Variants in ARHGAP44 observed in about 807,000 individuals in gnomAD.
ARHGAP44 encodes the protein rho GTPase-activating protein 44.
In ARHGAP44, 43 loss-of-function variants were observed where a neutral mutation model predicts 106.8. The ratio of observed to expected loss-of-function variants is 0.40; its 90% confidence interval spans 0.32 to 0.52. The LOEUF is 0.52. Ranked by LOEUF, ARHGAP44 falls within the 20% of genes least tolerant of loss-of-function variation. ARHGAP44 has a pLI of 0.48. For synonymous variants in ARHGAP44, 439 were observed against 410.3 expected, an observed-to-expected ratio of 1.07 and a Z score of -0.85; for missense variants, 866 against 1,050.5, an observed-to-expected ratio of 0.82 and a Z score of 2.43.
chr17:12,899,789 GCTTGAGCACATGTAAGTTGCTA>G (rs1431466473), intron 3 of ARHGAP44, among the ~76,000 whole-genome samples: 38 of 152,136 alleles, frequency 2.5e-4, no homozygotes, highest in Admixed American at 1.8e-3. Flanking sequence ...GTAAGTTGCT[GCTTGAGCACATGTAAGTTGCTA>G]CTTGAGCACA....
intron 6 of ARHGAP44, among the ~76,000 whole-genome samples, chr17:12,925,431 G>A (rs1011330553): frequency 5.9e-5 from 9 of 152,180 alleles, no homozygotes; most frequent in African/African-American, 2.2e-4. Flanking sequence ...AGAGGAAGGG[G>A]CAAGACTAGA....
chr17:12,850,726 T>C (rs1220179203), intron 1 of ARHGAP44, among the ~76,000 whole-genome samples: 3 of 152,196 alleles, frequency 2.0e-5, no homozygotes. Context: ...CCACATAGAC[T>C]GCCAAGACTC....
chr17:12,987,085 CATT>C lies in ARHGAP44; in HGVS notation c.2317+2178_2317+2180del, dbSNP rs568871538. On this transcript the variant is annotated intron_variant, in intron 20 of 20. Transcript: ENST00000379672. ...GTTGATTCCTTTCTCCGAATCCTAT[CATT>C]GTGTTCTTGCAGCTGTGTGACATGA... 6.4e-5 allele frequency: 96 copies of C among 1,503,562 alleles called. No individual in the cohort carries two copies. In the South Asian group the frequency reaches 1.0e-3, roughly 16 times the overall value. 93.1% of individuals were successfully genotyped at this position (1,503,562 alleles called of 1,614,324 possible). A position where few individuals can be genotyped will look rare whatever the true frequency, so the allele number is the denominator to read the frequency against.
Position 12,974,318 on chromosome 17 carries a change from C to T in ARHGAP44, c.1763+8C>T, listed in dbSNP as rs1180969820. The T allele has an allele frequency of 7.2e-7, 1 of 1,396,972 alleles. No individual in the cohort carries two copies. The highest frequency in any genetic ancestry group is 9.2e-7 in the Non-Finnish European group (1 of 1,082,356). 86.5% of individuals were successfully genotyped at this position (1,396,972 alleles called of 1,614,324 possible). ...TGGGCCCGAGCGCACCAGGTAAGCG[C>T]GGGCCACTGCCGTCCGGGCGGGCTG... On this transcript the variant is annotated splice_region_variant and intron_variant, in intron 18 of 20. Transcript: ENST00000379672.
chr17:12,920,842 A>G (rs545752875), intron 6 of ARHGAP44, among the ~76,000 whole-genome samples: 1 of 152,264 alleles, frequency 6.6e-6, no homozygotes, highest in African/African-American at 2.4e-5. Context: ...TCCAGAGTCC[A>G]CCAGAAAATT....
At chr17:12,877,491 A>G (rs2036592088) in intron 1 of ARHGAP44, among the ~76,000 whole-genome samples, 1 of 152,236 alleles carries the variant, frequency 6.6e-6, no homozygotes, top group African/African-American at 2.4e-5. Flanking sequence ...TAATTAAAAG[A>G]TATTTAGGAA....
chr17:12,943,713 G>T (rs775962025), intron 9 of ARHGAP44, 44 bp downstream of exon 9: 1 of 1,586,878 alleles, frequency 6.3e-7, no homozygotes, highest in Non-Finnish European at 8.6e-7. Context: ...CGGGGTGCCT[G>T]CTTGCCTTCC....
rs190886922 is a variant in ARHGAP44, at chr17:12,797,583, A to G, written c.53+7692A>G. Among the ~76,000 whole-genome samples, 135 of 152,272 alleles carry G rather than the reference A, an allele frequency of 8.9e-4. 1 individual carries two copies. Among genetic ancestry groups the G allele is most frequent in the Middle Eastern group, 3.4e-3 (1 of 294 alleles). On this transcript the variant is annotated intron_variant, in intron 1 of 20. Coordinates refer to ENST00000379672, the MANE Select transcript of ARHGAP44 (RefSeq NM_014859.6). The stretch of plus-strand genomic sequence containing the variant: ...ATTGGGTGGGAGTGGAGTCAGGCTG[A>G]ACTTCTCAGCTCAGCTTCAACCCGG...
chr17:12,794,471 T>G (rs1328453405), intron 1 of ARHGAP44, among the ~76,000 whole-genome samples: 1 of 152,116 alleles, frequency 6.6e-6, no homozygotes, highest in Non-Finnish European at 1.5e-5. Flanking sequence ...TAGAAAAGGA[T>G]TCTTAGAAAC....
Position 12,974,119 on chromosome 17 carries a change from G to T in ARHGAP44, c.1572G>T (p.Trp524Cys). Residue 524 changes from tryptophan to cysteine, a missense_variant, in exon 18 of 21, where the codon TGG becomes TGT. Trp to Cys is a radical substitution (Grantham distance 215). Coordinates refer to ENST00000379672, the MANE Select transcript of ARHGAP44 (RefSeq NM_014859.6). ...GTGTGAGGGTCATGGACACAAACTG[G>T]GTGGCTCGAAGAGGCTCCTCGGCCG... ...SMGVRVMDTN[W>C]VARRGSSAGR... 1 of 1,571,632 alleles carries T rather than the reference G, an allele frequency of 6.4e-7. No individual in the cohort carries two copies. Among genetic ancestry groups the T allele is most frequent in the African/African-American group, 1.3e-5 (1 of 74,194 alleles).
At chr17:12,800,318 G>T (rs1463973869) in intron 1 of ARHGAP44, among the ~76,000 whole-genome samples, 1 of 152,178 alleles carries the variant, frequency 6.6e-6, no homozygotes, top group Non-Finnish European at 1.5e-5. Context: ...AATTGTAATG[G>T]CTTCACTCAT....
chr17:12,869,553 A>G (rs988939729), intron 1 of ARHGAP44, among the ~76,000 whole-genome samples: 1 of 152,036 alleles, frequency 6.6e-6, no homozygotes, highest in Non-Finnish European at 1.5e-5. Context: ...TTGTGCAGCC[A>G]TTGCCACCGC....
At chr17:12,833,030 T>G (rs62060432) in intron 1 of ARHGAP44, among the ~76,000 whole-genome samples, 218 of 152,352 alleles carry the variant, frequency 1.4e-3, no homozygotes, top group Non-Finnish European at 2.7e-3. Context: ...CTGGGCACAG[T>G]ACTATTTGAG....
intron 3 of ARHGAP44, among the ~76,000 whole-genome samples, chr17:12,907,718 T>C (rs965726043): frequency 2.6e-5 from 4 of 152,264 alleles, no homozygotes; most frequent in African/African-American, 7.2e-5. Context: ...CATTTATTCA[T>C]TGGTGGACAT....
At chr17:12,926,464 A>AT (rs2038241563) in intron 6 of ARHGAP44, among the ~76,000 whole-genome samples, 1 of 108,190 alleles carries the variant, frequency 9.2e-6, no homozygotes, top group South Asian at 3.2e-4. Flanking sequence ...ATATACATAT[A>AT]TAATATATAT....
chr17:12,789,708 G>A lies in ARHGAP44; in HGVS notation c.-131G>A, dbSNP rs751212827. 3 of 758,766 alleles carry A rather than the reference G, an allele frequency of 4.0e-6. No individual in the cohort carries two copies. In the South Asian group the frequency reaches 1.2e-4, roughly 30 times the overall value. 47.0% of individuals were successfully genotyped at this position (758,766 alleles called of 1,614,324 possible). ...GAGGGAGCTGCGCGCGGGCCAGACG[G>A]CGCCCGGAGGCTCCGCAGTGCCGCC... On this transcript the variant is annotated 5_prime_UTR_variant, in exon 1 of 21. Transcript: ENST00000379672.
intron 2 of ARHGAP44, 145 bp downstream of exon 2, chr17:12,895,124 T>C: frequency 1.4e-6 from 1 of 717,454 alleles, no homozygotes; most frequent in East Asian, 2.9e-5. Context: ...AGCGAGACTC[T>C]GTCTCAAAAC....
At chr17:12,795,559 A>T (rs570787667) in intron 1 of ARHGAP44, among the ~76,000 whole-genome samples, 61 of 148,588 alleles carry the variant, frequency 4.1e-4, no homozygotes, top group Middle Eastern at 3.5e-3. Context: ...AATAAGGACC[A>T]TTTTTTTTTT....
intron 1 of ARHGAP44, among the ~76,000 whole-genome samples, chr17:12,801,999 T>C (rs906129369): frequency 6.6e-6 from 1 of 152,210 alleles, no homozygotes; most frequent in Non-Finnish European, 1.5e-5. Context: ...AGTACAAATA[T>C]GTTTCCAGTT....
Sources: gnomAD v4.1 joint callset for allele counts (sites outside exome capture counted in the v4.1 genomes callset) on GRCh38, gnomAD v4.1.1 for gene constraint, MANE v1.5 for transcripts, NCBI Gene and HGNC (gene_info 2026-07-23, HGNC 2026-07-21) for gene names.